NUDT3: variants seen among roughly 807,000 people sequenced by gnomAD.
NUDT3 encodes the protein nudix hydrolase 3.
In NUDT3, 9 loss-of-function variants were observed where a neutral mutation model predicts 23.6. The observed-to-expected ratio is 0.38, with a 90% CI of 0.23 to 0.66. The LOEUF is 0.66. NUDT3 is among the 30% of genes least tolerant of loss of function. The pLI is 0.52. For synonymous variants in NUDT3, 86 were observed against 82.6 expected, an observed-to-expected ratio of 1.04 and a Z score of -0.22; for missense variants, 172 against 218.5, an observed-to-expected ratio of 0.79 and a Z score of 1.34.
At chr6:34,297,942 G>A (rs1035827655) in intron 2 of NUDT3, among the ~76,000 whole-genome samples, 3 of 150,644 alleles carry the variant, frequency 2.0e-5, no homozygotes, top group Non-Finnish European at 4.4e-5. Context: ...CTCCACAAAG[G>A]AGAAAGTAGT....
At chr6:34,388,276 G>A (rs562877955) in intron 1 of NUDT3, among the ~76,000 whole-genome samples, 40 of 152,198 alleles carry the variant, frequency 2.6e-4, no homozygotes, top group Admixed American at 9.8e-4. Context: ...AACGTTAAGC[G>A]ACACATGGCT....
At chr6:34,392,029 CG>C (rs1455442075) in intron 1 of NUDT3, among the ~76,000 whole-genome samples, 5 of 152,206 alleles carry the variant, frequency 3.3e-5, no homozygotes, top group African/African-American at 1.2e-4. Flanking sequence ...GGCCACAAGC[CG>C]GCTACCCCCT....
intron 1 of NUDT3, among the ~76,000 whole-genome samples, chr6:34,379,538 C>T (rs547503903): frequency 5.3e-5 from 8 of 151,428 alleles, no homozygotes; most frequent in South Asian, 4.2e-4. Flanking sequence ...CAAGCCTGGG[C>T]GACAGAGAGA....
In NUDT3 at chr6:34,358,953, G is replaced by A. The variant is rs1452466189; in HGVS notation, c.100-16981C>T. Among the ~76,000 whole-genome samples the A allele has an allele frequency of 4.6e-5, 7 of 152,258 alleles. No individual in the cohort carries two copies. The South Asian group carries it at 8.3e-4, about 18-fold the overall frequency. ...CAAGTACTATGTCACAAATTTTTGT[G>A]TTCTGAAATGAATTAAATTTAACCA... On this transcript the variant is annotated intron_variant, in intron 1 of 4. Transcript: ENST00000607016.
At chr6:34,327,014 T>C (rs959747687) in intron 2 of NUDT3, among the ~76,000 whole-genome samples, 6 of 151,952 alleles carry the variant, frequency 3.9e-5, no homozygotes, top group African/African-American at 9.7e-5. Context: ...GGGGGACTAC[T>C]ACCACCAAGA....
chr6:34,358,292 C>CA (rs1561917553), intron 1 of NUDT3, among the ~76,000 whole-genome samples: 7 of 150,066 alleles, frequency 4.7e-5, no homozygotes, highest in African/African-American at 1.7e-4. Flanking sequence ...CACACACACA[C>CA]CCCTTATAAT....
chr6:34,374,760 G>A (rs765599577), intron 1 of NUDT3, among the ~76,000 whole-genome samples: 5 of 151,994 alleles, frequency 3.3e-5, no homozygotes, highest in African/African-American at 9.7e-5. Context: ...TCCTGCCTTC[G>A]TTACAGCACC....
chr6:34,315,268 T>C (rs1286823469), intron 2 of NUDT3, among the ~76,000 whole-genome samples: 1 of 152,228 alleles, frequency 6.6e-6, no homozygotes, highest in Non-Finnish European at 1.5e-5. Context: ...CTAGCTTTCA[T>C]TTTAAAGGCA....
chr6:34,314,050 T>C (rs1305321310), intron 2 of NUDT3, among the ~76,000 whole-genome samples: 3 of 151,390 alleles, frequency 2.0e-5, no homozygotes, highest in Admixed American at 6.6e-5. Flanking sequence ...TGAGCCAAGA[T>C]TGCACCATTG....
rs570166534 is a variant in NUDT3, at chr6:34,354,749, A to ATATATATATATATTTATTTATT, written c.100-12778_100-12777insAATAAATAAATATATATATATA. On this transcript the variant is annotated intron_variant, in intron 1 of 4. Coordinates refer to ENST00000607016, the MANE Select transcript of NUDT3 (RefSeq NM_006703.4). ...GGGGGGAAAAAGTATATATATATATATATTTATTTACTTTATATTTGTATT... is the reference window on the plus strand; with the variant it reads ...GGGGGGAAAAAGTATATATATATATATATATATATATATTTATTTATTTATTTATTTACTTTATATTTGTATT... Among the ~76,000 whole-genome samples the ATATATATATATATTTATTTATT allele has an allele frequency of 3.6e-4, 52 of 144,542 alleles. 1 individual carries two copies. The highest frequency in any genetic ancestry group is 3.7e-3 in the Middle Eastern group (1 of 268). The allele number at this position is 144,542 out of a possible 152,430, so 94.8% of individuals were successfully genotyped here. A position where few individuals can be genotyped will look rare whatever the true frequency, so the allele number is the denominator to read the frequency against.
chr6:34,338,406 T>G (rs892077245), intron 2 of NUDT3, among the ~76,000 whole-genome samples: 1 of 152,234 alleles, frequency 6.6e-6, no homozygotes, highest in African/African-American at 2.4e-5. Context: ...GCCCCCGGCA[T>G]GCCGTACAAA....
intron 1 of NUDT3, among the ~76,000 whole-genome samples, chr6:34,363,591 A>T (rs1764681226): frequency 1.3e-5 from 2 of 152,148 alleles, no homozygotes; most frequent in Admixed American, 6.6e-5. Flanking sequence ...TGTATTAAGC[A>T]TGGGCTAGGT....
intron 1 of NUDT3, among the ~76,000 whole-genome samples, chr6:34,387,071 T>C (rs1015788545): frequency 6.6e-6 from 1 of 152,152 alleles, no homozygotes; most frequent in Non-Finnish European, 1.5e-5. Context: ...GATCACACCA[T>C]TATACTCCAG....
intron 1 of NUDT3, among the ~76,000 whole-genome samples, chr6:34,357,328 T>C (rs1399418948): frequency 6.6e-6 from 1 of 152,070 alleles, no homozygotes; most frequent in Non-Finnish European, 1.5e-5. Context: ...ATAAAAGGTT[T>C]TTTTTTAGGC....
At chr6:34,324,703 C>G (rs1056169569) in intron 2 of NUDT3, among the ~76,000 whole-genome samples, 1 of 152,156 alleles carries the variant, frequency 6.6e-6, no homozygotes, top group African/African-American at 2.4e-5. Flanking sequence ...TTTATATAGT[C>G]AATAGTATCT....
At chr6:34,352,607 T>C (rs1224333628) in intron 1 of NUDT3, among the ~76,000 whole-genome samples, 3 of 152,180 alleles carry the variant, frequency 2.0e-5, no homozygotes, top group Non-Finnish European at 4.4e-5. Flanking sequence ...TGCCAAGCCA[T>C]GTACCAAATG....
chr6:34,320,321 G>GT (rs763673167), intron 2 of NUDT3, among the ~76,000 whole-genome samples: 2 of 152,222 alleles, frequency 1.3e-5, no homozygotes, highest in Non-Finnish European at 1.5e-5. Context: ...CGCCTCCCGG[G>GT]TTTAAAGCGA....
chr6:34,346,441 A>G (rs1266478605), intron 1 of NUDT3, among the ~76,000 whole-genome samples: 1 of 152,238 alleles, frequency 6.6e-6, no homozygotes, highest in Non-Finnish European at 1.5e-5. Flanking sequence ...ATGAAGTTAC[A>G]GTCCAAAAGA....
chr6:34,341,803 C>A, intron 2 of NUDT3, 59 bp downstream of exon 2: 1 of 1,495,914 alleles, frequency 6.7e-7, no homozygotes, highest in Non-Finnish European at 9.2e-7. Flanking sequence ...AAGAACTACA[C>A]AGATAGGACA....
Sources: allele counts gnomAD v4.1 joint callset (sites outside exome capture counted in the v4.1 genomes callset), GRCh38; gene constraint gnomAD v4.1.1; transcripts MANE v1.5; gene names NCBI Gene and HGNC (gene_info 2026-07-23, HGNC 2026-07-21).